The following CHODL variants were observed in gnomAD, a reference collection of about 807,000 sequenced individuals.
The protein encoded by CHODL is transmembrane protein MT75.
In CHODL, 29 loss-of-function variants were observed where a neutral mutation model predicts 34.5. That is an observed-to-expected ratio of 0.84 (90% CI 0.63 to 1.15). The LOEUF (loss-of-function observed/expected upper bound fraction) is 1.15. CHODL is among the 50% of genes most tolerant of loss of function. The probability of loss-of-function intolerance (pLI) is 0.00; values close to 1 mark genes in which losing one functional copy is unlikely to be tolerated. For missense variants in CHODL, 332 were observed against 332.5 expected, an observed-to-expected ratio of 1.00 and a Z score of 0.01; for synonymous variants, 125 against 116.1, an observed-to-expected ratio of 1.08 and a Z score of -0.49.
intron 2 of CHODL, among the ~76,000 whole-genome samples, chr21:18,136,121 A>G (rs374376344): frequency 4.3e-5 from 6 of 138,144 alleles, no homozygotes; most frequent in East Asian, 4.1e-4. Context: ...AAAAAAAAGA[A>G]AAAGAAAAAA....
At position 18,251,498 on chromosome 21, in the gene CHODL, A is replaced by ATATTTATTTTATT. The variant is rs2074241570; in HGVS notation, c.80-5000_80-4999insTTTATTTATTTTA. 1.7e-4 allele frequency among the ~76,000 whole-genome samples: 8 copies of ATATTTATTTTATT among 47,250 alleles called. 1 individual carries two copies. The highest frequency in any genetic ancestry group is 3.7e-4 in the Non-Finnish European group (8 of 21,562). The allele number at this position is 47,250 out of a possible 152,430, so 31.0% of individuals were successfully genotyped here. A position where few individuals can be genotyped will look rare whatever the true frequency, so the allele number is the denominator to read the frequency against. ...TTATTTATTTTAATATATAAAATAA[A>ATATTTATTTTATT]TATTTATTTTAATATATAAAATATT... On this transcript the variant is annotated intron_variant, in intron 1 of 5. Coordinates refer to ENST00000299295, the MANE Select transcript of CHODL (RefSeq NM_024944.3).
intron 2 of CHODL, among the ~76,000 whole-genome samples, chr21:18,174,723 G>A (rs182700429): frequency 3.0e-4 from 46 of 152,264 alleles, no homozygotes; most frequent in African/African-American, 1.1e-3. Context: ...ACCTGGCAGA[G>A]CTTGTTTGTC....
intron 2 of CHODL, among the ~76,000 whole-genome samples, chr21:18,041,104 A>G (rs566020352): frequency 6.6e-6 from 1 of 151,902 alleles, no homozygotes; most frequent in Non-Finnish European, 1.5e-5. Flanking sequence ...TTATATGATG[A>G]TTTCTGTAAG....
chr21:18,248,955 TGTAATA>T (rs2074194285), intron 1 of CHODL, among the ~76,000 whole-genome samples: 1 of 111,998 alleles, frequency 8.9e-6, no homozygotes, highest in African/African-American at 4.3e-5. Context: ...TACATATATA[TGTAATA>T]TATACATATA....
intron 1 of CHODL, among the ~76,000 whole-genome samples, chr21:17,937,473 G>T (rs2063327968): frequency 6.6e-6 from 1 of 152,222 alleles, no homozygotes; most frequent in South Asian, 2.1e-4. Flanking sequence ...CTCACGTTGA[G>T]GGTGATCCAG....
Position 17,988,868 on chromosome 21 carries a change from T to C in CHODL, c.-144-39004T>C, listed in dbSNP as rs186603384. On this transcript the variant is annotated intron_variant, in intron 1 of 6. Coordinates refer to the CHODL transcript ENST00000400127. ...ATGCCGCAATAAACATACATGTGCA[T>C]GTGTCTTTATAGCAGCATGATTTAT... Among the ~76,000 whole-genome samples the C allele has an allele frequency of 3.3e-5, 5 of 152,158 alleles. 1 individual carries two copies. Among genetic ancestry groups the C allele is most frequent in the Admixed American group, 3.3e-4 (5 of 15,276 alleles).
chr21:18,060,361 G>A (rs910938121), intron 2 of CHODL, among the ~76,000 whole-genome samples: 2 of 151,898 alleles, frequency 1.3e-5, no homozygotes, highest in Non-Finnish European at 2.9e-5. Flanking sequence ...AGGCTGATGC[G>A]GGAGGATCAC....
At chr21:18,105,042 G>A (rs2065257009) in intron 2 of CHODL, among the ~76,000 whole-genome samples, 1 of 152,202 alleles carries the variant, frequency 6.6e-6, no homozygotes, top group African/African-American at 2.4e-5. Context: ...ATCCTGGTAA[G>A]ACTAAGGGAA....
intron 2 of CHODL, among the ~76,000 whole-genome samples, chr21:18,125,252 T>G (rs1036843841): frequency 6.6e-6 from 1 of 152,236 alleles, no homozygotes; most frequent in African/African-American, 2.4e-5. Flanking sequence ...TTGTTGTGCT[T>G]ATTTCTAATC....
At chr21:18,059,128 T>C (rs527887436) in intron 2 of CHODL, among the ~76,000 whole-genome samples, 1 of 152,248 alleles carries the variant, frequency 6.6e-6, no homozygotes, top group East Asian at 1.9e-4. Flanking sequence ...GATCATGATC[T>C]GATAGGATTG....
chr21:18,068,984 A>C, intron 2 of CHODL, among the ~76,000 whole-genome samples: 1 of 152,272 alleles, frequency 6.6e-6, no homozygotes, highest in Middle Eastern at 3.4e-3. Context: ...AGTTCCCAGA[A>C]GGTTACCTGA....
chr21:18,002,857 C>T (rs1439062272), intron 1 of CHODL, among the ~76,000 whole-genome samples: 2 of 152,130 alleles, frequency 1.3e-5, no homozygotes, highest in Non-Finnish European at 2.9e-5. Flanking sequence ...GGCGCTGTGG[C>T]TCACGCCTGT....
chr21:18,241,837 C>T (rs980478866), upstream of CHODL, among the ~76,000 whole-genome samples: 2 of 152,160 alleles, frequency 1.3e-5, no homozygotes, highest in Non-Finnish European at 2.9e-5. Context: ...GTTTCAGAGC[C>T]TCTGGAGATT....
In CHODL at chr21:17,990,649, G is replaced by A. The variant is rs149486549; in HGVS notation, c.-144-37223G>A. On this transcript the variant is annotated intron_variant, in intron 1 of 6. Transcript: ENST00000400127. ...ATGTTAAATGTTCGTGTTCTTGAAGGAATAACATTTTTTCCATGTGTAAAA... is the reference window on the plus strand; with the variant it reads ...ATGTTAAATGTTCGTGTTCTTGAAGAAATAACATTTTTTCCATGTGTAAAA... 7.1e-3 allele frequency among the ~76,000 whole-genome samples: 1,082 copies of A among 152,022 alleles called. 6 individuals carry two copies. Among genetic ancestry groups the A allele is most frequent in the Middle Eastern group, 0.027 (8 of 294 alleles).
intron 1 of CHODL, among the ~76,000 whole-genome samples, chr21:17,925,241 A>C (rs1327955548): frequency 1.3e-5 from 2 of 152,198 alleles, no homozygotes; most frequent in East Asian, 3.8e-4. Context: ...GTGCATATCC[A>C]AAATTGTGAC....
At chr21:18,079,876 G>A (rs916794885) in intron 2 of CHODL, among the ~76,000 whole-genome samples, 1 of 95,000 alleles carries the variant, frequency 1.1e-5, no homozygotes, top group African/African-American at 2.8e-5. Flanking sequence ...AGATTGAATG[G>A]CAGTCCTATA....
chr21:17,963,726 C>G (rs865998525), intron 1 of CHODL, among the ~76,000 whole-genome samples: 1 of 147,560 alleles, frequency 6.8e-6, no homozygotes, highest in East Asian at 2.0e-4. Flanking sequence ...AGAAAACAAC[C>G]TTTTTTTTTT....
At chr21:18,243,892 G>A (rs1568952076), upstream of CHODL, among the ~76,000 whole-genome samples, 8 of 152,142 alleles carry the variant, frequency 5.3e-5, no homozygotes, top group Admixed American at 4.6e-4. Flanking sequence ...GACAAGTAAT[G>A]TTATTTAACA....
intron 1 of CHODL, among the ~76,000 whole-genome samples, chr21:17,950,789 G>A (rs1041807221): frequency 1.4e-4 from 21 of 152,100 alleles, no homozygotes; most frequent in African/African-American, 4.6e-4. Flanking sequence ...TGCCAAGTAA[G>A]TCCTCTCTGG....
Sources: allele counts gnomAD v4.1 joint callset (sites outside exome capture counted in the v4.1 genomes callset), GRCh38; gene constraint gnomAD v4.1.1; transcripts MANE v1.5; gene names NCBI Gene and HGNC (gene_info 2026-07-23, HGNC 2026-07-21).